The following ESRRG variants were observed in gnomAD, a reference collection of about 807,000 sequenced individuals.
ESRRG encodes the protein estrogen related receptor gamma.
A neutral mutation model predicts 44.0 loss-of-function variants in ESRRG; 13 were observed. The observed-to-expected ratio is 0.30, with a 90% confidence interval of 0.19 to 0.47. ESRRG has a LOEUF of 0.47. ESRRG is among the 20% of genes least tolerant of loss of function. The pLI is 1.00. For missense variants in ESRRG, 395 were observed against 580.6 expected, an observed-to-expected ratio of 0.68 and a Z score of 3.29; for synonymous variants, 215 against 214.6, an observed-to-expected ratio of 1.00 and a Z score of -0.02.
chr1:217,040,355 A>T (rs1163082176), intron 1 of ESRRG, among the ~76,000 whole-genome samples: 1 of 152,152 alleles, frequency 6.6e-6, no homozygotes, highest in Non-Finnish European at 1.5e-5. Context: ...TCTACAGTCC[A>T]ATGAAGAAGG....
At chr1:217,050,053 T>C (rs889279180) in intron 1 of ESRRG, among the ~76,000 whole-genome samples, 1 of 152,214 alleles carries the variant, frequency 6.6e-6, no homozygotes, top group Non-Finnish European at 1.5e-5. Context: ...AACGTCACTG[T>C]AAGTCAGATG....
chr1:216,996,235 G>A (rs2076357960), intron 1 of ESRRG, among the ~76,000 whole-genome samples: 2 of 152,102 alleles, frequency 1.3e-5, no homozygotes, highest in African/African-American at 4.8e-5. Context: ...AGGCAAAGAG[G>A]AAAAAGAGGA....
At chr1:216,741,114 G>T (rs972600333) in intron 2 of ESRRG, among the ~76,000 whole-genome samples, 1 of 150,450 alleles carries the variant, frequency 6.6e-6, no homozygotes, top group Non-Finnish European at 1.5e-5. Flanking sequence ...TAATGGGATA[G>T]CATTGGATAT....
At chr1:217,105,388 T>C (rs1463458860) in intron 1 of ESRRG, among the ~76,000 whole-genome samples, 1 of 152,200 alleles carries the variant, frequency 6.6e-6, no homozygotes, top group Non-Finnish European at 1.5e-5. Flanking sequence ...ATAGACTTTG[T>C]AGAGGTTGGA....
At chr1:217,083,090 T>C (rs2091873415) in intron 1 of ESRRG, among the ~76,000 whole-genome samples, 1 of 152,234 alleles carries the variant, frequency 6.6e-6, no homozygotes, top group South Asian at 2.1e-4. Context: ...ATAATAGAAC[T>C]GTTCTTTACA....
At chr1:216,749,572 G>A (rs757519852) in intron 2 of ESRRG, among the ~76,000 whole-genome samples, 16 of 152,290 alleles carry the variant, frequency 1.1e-4, no homozygotes, top group Non-Finnish European at 2.2e-4. Flanking sequence ...AACAGCAGCT[G>A]TTTAATGTAA....
intron 2 of ESRRG, among the ~76,000 whole-genome samples, chr1:216,814,118 G>GA (rs111316687): frequency 0.18 from 25,621 of 143,718 alleles, 2,371 homozygotes; most frequent in East Asian, 0.37. Context: ...CTTGGTCATG[G>GA]GAAAAAAAAA....
At chr1:217,088,406 T>G (rs2092223884) in intron 1 of ESRRG, among the ~76,000 whole-genome samples, 1 of 135,332 alleles carries the variant, frequency 7.4e-6, no homozygotes, top group Non-Finnish European at 1.5e-5. Flanking sequence ...GTCTTTTTTT[T>G]TTTTTTTTTT....
chr1:216,983,051 T>TTATTTTTTTTTTTTTTTTTTTTTTC (rs2074253691), intron 1 of ESRRG, among the ~76,000 whole-genome samples: 1 of 118,712 alleles, frequency 8.4e-6, no homozygotes, highest in African/African-American at 3.1e-5. Context: ...TTTTTTTTTT[T>TTATTTTTTTTTTTTTTTTTTTTTTC]TAACTGTCTA....
intron 3 of ESRRG, among the ~76,000 whole-genome samples, chr1:216,599,213 CAG>C (rs911596024): frequency 6.6e-6 from 1 of 151,936 alleles, no homozygotes; most frequent in African/African-American, 2.4e-5. Context: ...AAAATTTAAC[CAG>C]AGACACAAGA....
intron 2 of ESRRG, among the ~76,000 whole-genome samples, chr1:216,793,504 C>G (rs1011466851): frequency 2.0e-5 from 3 of 152,132 alleles, no homozygotes; most frequent in Non-Finnish European, 4.4e-5. Flanking sequence ...AGACCTCCAG[C>G]TACAGCCACA....
intron 2 of ESRRG, among the ~76,000 whole-genome samples, chr1:216,803,340 C>A (rs1045529232): frequency 5.9e-5 from 9 of 152,064 alleles, no homozygotes; most frequent in Non-Finnish European, 1.3e-4. Flanking sequence ...CCCCTGCAAA[C>A]CTCCAATTAA....
intron 2 of ESRRG, among the ~76,000 whole-genome samples, chr1:216,874,312 A>G (rs1255143182): frequency 6.6e-6 from 1 of 152,202 alleles, no homozygotes; most frequent in Non-Finnish European, 1.5e-5. Flanking sequence ...ATTCAGTAGG[A>G]GACATAGGGT....
chr1:216,868,007 C>G (rs1369317615), intron 2 of ESRRG, among the ~76,000 whole-genome samples: 11 of 150,176 alleles, frequency 7.3e-5, no homozygotes, highest in Non-Finnish European at 4.4e-5. Context: ...TGGGATACTA[C>G]AGTATGTCAC....
At chr1:217,035,951 A>T (rs1442150170) in intron 1 of ESRRG, among the ~76,000 whole-genome samples, 1 of 152,230 alleles carries the variant, frequency 6.6e-6, no homozygotes, top group African/African-American at 2.4e-5. Context: ...AAGAAACTTA[A>T]ACAAATTTAC....
intron 2 of ESRRG, among the ~76,000 whole-genome samples, chr1:216,846,157 G>A (rs1055193587): frequency 2.0e-5 from 3 of 151,856 alleles, no homozygotes; most frequent in African/African-American, 7.3e-5. Context: ...CTTCTCTTTG[G>A]ACATCTTTAC....
chr1:216,545,053 A>AT (rs2054073050), intron 5 of ESRRG, among the ~76,000 whole-genome samples: 1 of 151,770 alleles, frequency 6.6e-6, no homozygotes, highest in Admixed American at 6.6e-5. Flanking sequence ...AAATGTACCC[A>AT]TTTATTTTAT....
In ESRRG at chr1:217,111,815, C is replaced by T. The variant is rs113504767; in HGVS notation, c.-230+25852G>A. Among the ~76,000 whole-genome samples, 1,342 of 152,266 alleles carry T rather than the reference C, an allele frequency of 8.8e-3. 21 individuals are homozygous for T. The highest frequency in any genetic ancestry group is 0.031 in the African/African-American group (1,274 of 41,550). On this transcript the variant is annotated intron_variant, in intron 1 of 8. Transcript: ENST00000366940. ...GATGGCCACAAACTGTGTGCTCTTC[C>T]TCTCATTGAGAAGACTACAGACTCA... is the stretch of plus-strand genomic sequence containing the variant.
chr1:216,641,187 T>C (rs1184007828), intron 3 of ESRRG, among the ~76,000 whole-genome samples: 1 of 152,208 alleles, frequency 6.6e-6, no homozygotes, highest in Non-Finnish European at 1.5e-5. Context: ...CTGTCCTCTC[T>C]AAGACAAATG....
Sources: allele counts gnomAD v4.1 joint callset (sites outside exome capture counted in the v4.1 genomes callset), GRCh38; gene constraint gnomAD v4.1.1; transcripts MANE v1.5; gene names NCBI Gene and HGNC (gene_info 2026-07-23, HGNC 2026-07-21).